The following BMP2K variants were observed in gnomAD, a reference collection of about 807,000 sequenced individuals.
BMP2K encodes BMP2 inducible kinase.
A neutral mutation model predicts 116.0 loss-of-function variants in BMP2K; 74 were observed. That is an observed-to-expected ratio of 0.64 (90% CI 0.53 to 0.77). BMP2K has a LOEUF of 0.77. Ranked by LOEUF, BMP2K falls within the 30% of genes least tolerant of loss-of-function variation. BMP2K has a pLI of 0.00. For missense variants in BMP2K, 1,365 were observed against 1,403.6 expected (o/e 0.97, Z 0.44); for synonymous variants, 486 against 502.5 (o/e 0.97, Z 0.44).
In BMP2K at chr4:78,826,083, A is replaced by G; in HGVS notation, c.225A>G (p.Arg75=). 1 of 1,614,180 alleles carries G rather than the reference A, an allele frequency of 6.2e-7. No homozygotes were observed. Among genetic ancestry groups the G allele is most frequent in the Non-Finnish European group, 8.5e-7 (1 of 1,180,018 alleles). The change falls in exon 2 of 16, where the codon CGA becomes CGG. Residue 75 remains arginine, a synonymous_variant. Transcript: ENST00000502613. ...TCGTGCGTACTCACGGTGGAATCCG[A>G]TGTGCATTGAAGCGAATGTATGTCA... The part of the protein sequence containing the change: ...VFLVRTHGGI[R]CALKRMYVNN...
intron 1 of BMP2K, among the ~76,000 whole-genome samples, chr4:78,802,323 C>T (rs1728604371): frequency 1.3e-5 from 2 of 152,204 alleles, no homozygotes; most frequent in East Asian, 1.9e-4. Flanking sequence ...GTTTTTGTCT[C>T]GAAAGAATTG....
intron 1 of BMP2K, among the ~76,000 whole-genome samples, chr4:78,796,804 G>C (rs1024801998): frequency 6.6e-6 from 1 of 152,102 alleles, no homozygotes; most frequent in Non-Finnish European, 1.5e-5. Flanking sequence ...ATGTAAAAAT[G>C]GAGAAAGAGT....
intron 9 of BMP2K, among the ~76,000 whole-genome samples, chr4:78,863,949 C>T (rs1398314110): frequency 6.6e-6 from 1 of 152,192 alleles, no homozygotes; most frequent in African/African-American, 2.4e-5. Flanking sequence ...ATGATTTTTA[C>T]TATCTTATAT....
rs986828012 is a variant in BMP2K, at chr4:78,879,342, G to GT, written c.1951+455dup. ...ACATGGGCTACTACATTATGTTAAT[G>GT]TTTTGTAATGTCCTTTTAATGAGTG... On this transcript the variant is annotated intron_variant, in intron 14 of 15. Coordinates refer to ENST00000502613, the MANE Select transcript of BMP2K (RefSeq NM_198892.2). 5.1e-6 allele frequency: 5 copies of GT among 987,488 alleles called. No individual in the cohort carries two copies. The African/African-American group carries it at 8.7e-5, about 17-fold the overall frequency. 61.2% of individuals were successfully genotyped at this position (987,488 alleles called of 1,614,324 possible).
chr4:78,811,860 T>A (rs960333235), intron 1 of BMP2K, among the ~76,000 whole-genome samples: 5 of 152,192 alleles, frequency 3.3e-5, no homozygotes, highest in Non-Finnish European at 7.3e-5. Flanking sequence ...CATCAAAAAC[T>A]CTCTCTCTTC....
At chr4:78,806,096 A>G (rs761184239) in intron 1 of BMP2K, among the ~76,000 whole-genome samples, 2 of 152,046 alleles carry the variant, frequency 1.3e-5, no homozygotes, top group Non-Finnish European at 2.9e-5. Context: ...TAATTATCTT[A>G]TATCCTGCAA....
Position 78,911,309 on chromosome 4 carries a change from C to T in BMP2K, c.2762C>T (p.Thr921Ile), listed in dbSNP as rs778327249. 5 of 1,613,956 alleles carry T rather than the reference C, an allele frequency of 3.1e-6. No individual in the cohort carries two copies. The highest frequency in any genetic ancestry group is 1.7e-5 in the Admixed American group (1 of 60,026). The change falls in exon 16 of 16, where the codon ACT (threonine) becomes ATT (isoleucine). Residue 921 changes from threonine (T) to isoleucine (I), a missense_variant. Thr to Ile is a moderately conservative substitution (Grantham distance 89). Transcript: ENST00000502613. ...ECHAVGPEAHTIPGYPKSVDV... is the reference protein window; with the variant it reads ...ECHAVGPEAHIIPGYPKSVDV... ...CATGCAGTGGGGCCTGAGGCACATA[C>T]TATCCCTGGTTATCCCAAAAGTGTA...
intron 15 of BMP2K, among the ~76,000 whole-genome samples, chr4:78,909,724 C>T (rs540761386): frequency 6.6e-5 from 10 of 152,262 alleles, no homozygotes; most frequent in South Asian, 2.1e-4. Flanking sequence ...TAGGTTTATG[C>T]GCCCATTTCC....
chr4:78,839,115 G>A (rs1336490096), intron 3 of BMP2K, among the ~76,000 whole-genome samples: 3 of 152,042 alleles, frequency 2.0e-5, no homozygotes, highest in Non-Finnish European at 4.4e-5. Flanking sequence ...AATAACTTTC[G>A]TTTATTATCA....
chr4:78,855,306 G>C (rs1196923366), intron 7 of BMP2K, among the ~76,000 whole-genome samples: 2 of 152,108 alleles, frequency 1.3e-5, no homozygotes, highest in African/African-American at 2.4e-5. Flanking sequence ...TCTCATTTCA[G>C]GGAAATTAAG....
chr4:78,828,631 A>G (rs1327077653), intron 2 of BMP2K, among the ~76,000 whole-genome samples: 1 of 152,186 alleles, frequency 6.6e-6, no homozygotes, highest in Non-Finnish European at 1.5e-5. Flanking sequence ...ATAACAAAAG[A>G]CTGTGACTAG....
chr4:78,906,662 T>G (rs1267608444), intron 15 of BMP2K, among the ~76,000 whole-genome samples: 5 of 152,064 alleles, frequency 3.3e-5, no homozygotes, highest in Non-Finnish European at 7.4e-5. Flanking sequence ...GAATTAGCCA[T>G]AGACTTGCTT....
chr4:78,864,172 T>C (rs1216513364), intron 9 of BMP2K, among the ~76,000 whole-genome samples: 1 of 152,078 alleles, frequency 6.6e-6, no homozygotes, highest in Admixed American at 6.6e-5. Flanking sequence ...TGTGAATCTG[T>C]AAAGAGGGTT....
chr4:78,874,197 AC>A (rs1560540406), intron 13 of BMP2K, among the ~76,000 whole-genome samples: 11 of 152,142 alleles, frequency 7.2e-5, no homozygotes, highest in African/African-American at 2.2e-4. Context: ...ACACACACAC[AC>A]ACAAAAAGTT....
At chr4:78,855,438 T>G (rs1355923672) in intron 7 of BMP2K, among the ~76,000 whole-genome samples, 2 of 152,184 alleles carry the variant, frequency 1.3e-5, no homozygotes, top group Non-Finnish European at 2.9e-5. Context: ...TTAAATTTGT[T>G]GAGCTGTTAG....
intron 3 of BMP2K, among the ~76,000 whole-genome samples, chr4:78,841,594 G>A (rs1730763175): frequency 1.3e-5 from 2 of 152,066 alleles, no homozygotes; most frequent in Admixed American, 6.6e-5. Context: ...AGTCAGATGA[G>A]GAAGTTTCTT....
At chr4:78,783,186 C>T (rs1018738652) in intron 1 of BMP2K, among the ~76,000 whole-genome samples, 36 of 152,070 alleles carry the variant, frequency 2.4e-4, no homozygotes, top group African/African-American at 8.5e-4. Context: ...TTATGTGTCC[C>T]TCAGCCATAT....
At chr4:78,905,854 T>C (rs1734256967) in intron 15 of BMP2K, among the ~76,000 whole-genome samples, 1 of 151,786 alleles carries the variant, frequency 6.6e-6, no homozygotes, top group Non-Finnish European at 1.5e-5. Context: ...GGCAAAGAAA[T>C]GGAGTATGAA....
At chr4:78,865,942 A>C (rs763263211) in intron 10 of BMP2K, among the ~76,000 whole-genome samples, 1 of 152,136 alleles carries the variant, frequency 6.6e-6, no homozygotes, top group African/African-American at 2.4e-5. Flanking sequence ...GGTACAAAAA[A>C]CTCACAATTT....
Sources: gnomAD v4.1 joint callset for allele counts (sites outside exome capture counted in the v4.1 genomes callset) on GRCh38, gnomAD v4.1.1 for gene constraint, MANE v1.5 for transcripts, NCBI Gene and HGNC (gene_info 2026-07-23, HGNC 2026-07-21) for gene names.